Variants in CDH8 observed in about 807,000 individuals in gnomAD.
The protein encoded by CDH8 is cadherin-8.
Under a neutral mutation model 68.1 loss-of-function variants are expected in CDH8, and 17 were observed. The ratio of observed to expected loss-of-function variants is 0.25; its 90% CI spans 0.17 to 0.37. The LOEUF (loss-of-function observed/expected upper bound fraction) is 0.37, where lower values mean the gene tolerates loss of function less well. Ranked by LOEUF, CDH8 falls within the 10% of genes least tolerant of loss-of-function variation. The probability of loss-of-function intolerance (pLI) is 1.00; values close to 1 mark genes in which losing one functional copy is unlikely to be tolerated. For missense variants in CDH8, 763 were observed against 999.3 expected, an observed-to-expected ratio of 0.76 and a Z score of 3.19; for synonymous variants, 372 against 365.1, an observed-to-expected ratio of 1.02 and a Z score of -0.21.
intron 2 of CDH8, among the ~76,000 whole-genome samples, chr16:62,008,923 G>GA (rs1901736740): frequency 7.2e-6 from 1 of 139,428 alleles, no homozygotes; most frequent in South Asian, 2.5e-4. Flanking sequence ...TCCTTTAAGA[G>GA]AAAAAATAAT....
rs1963243765 is a variant in CDH8 at position 61,648,113 on chromosome 16, T to C, written c.*5495A>G. 2.6e-6 allele frequency: 1 copy of C among 386,592 alleles called. No individual in the cohort carries two copies. Among genetic ancestry groups the C allele is most frequent in the African/African-American group, 2.1e-5 (1 of 47,660 alleles). The allele number at this position is 386,592 out of a possible 1,614,324, so 23.9% of individuals were successfully genotyped here. On this transcript the variant is annotated 3_prime_UTR_variant, in exon 12 of 12. Coordinates refer to ENST00000577390, the MANE Select transcript of CDH8 (RefSeq NM_001796.5). ...ATACATACAAAAACACTTACAACAT[T>C]ACAACTCAGGAGATGACCCCAAATA...
chr16:61,827,401 GTC>G (rs2143002318), intron 4 of CDH8, among the ~76,000 whole-genome samples: 1 of 151,912 alleles, frequency 6.6e-6, no homozygotes, highest in African/African-American at 2.4e-5. Flanking sequence ...ATGAGGTGAG[GTC>G]TATGCATGAG....
At chr16:61,781,840 C>G (rs186202587) in intron 8 of CDH8, among the ~76,000 whole-genome samples, 5 of 152,268 alleles carry the variant, frequency 3.3e-5, no homozygotes, top group Admixed American at 3.3e-4. Flanking sequence ...ACACTTCTAA[C>G]AAACCAAAAT....
At chr16:61,938,610 T>TA (rs995866021) in intron 2 of CDH8, among the ~76,000 whole-genome samples, 1 of 152,046 alleles carries the variant, frequency 6.6e-6, no homozygotes, top group Admixed American at 6.6e-5. Context: ...AAGCTAGAAA[T>TA]AAAAAAATAA....
chr16:61,883,393 C>T (rs1963613878), intron 3 of CDH8, among the ~76,000 whole-genome samples: 1 of 151,886 alleles, frequency 6.6e-6, no homozygotes, highest in Admixed American at 6.6e-5. Flanking sequence ...CTGATACATG[C>T]TAATACCCCT....
chr16:62,016,689 T>C (rs1037619130), intron 2 of CDH8, among the ~76,000 whole-genome samples: 4 of 152,226 alleles, frequency 2.6e-5, no homozygotes, highest in Non-Finnish European at 4.4e-5. Context: ...GAACAGGCTC[T>C]GCCTTGCCTT....
chr16:61,982,496 G>T (rs981441382), intron 2 of CDH8, among the ~76,000 whole-genome samples: 12 of 152,150 alleles, frequency 7.9e-5, no homozygotes, highest in African/African-American at 2.7e-4. Context: ...TGGGATTACA[G>T]GCGTGAACCA....
chr16:61,759,421 T>C (rs1960406606), intron 8 of CDH8, among the ~76,000 whole-genome samples: 1 of 150,990 alleles, frequency 6.6e-6, no homozygotes, highest in African/African-American at 2.4e-5. Flanking sequence ...AAAGTAATAG[T>C]AGTAGTATAG....
chr16:61,678,446 C>T (rs535803605), intron 10 of CDH8, among the ~76,000 whole-genome samples: 11 of 152,202 alleles, frequency 7.2e-5, no homozygotes, highest in African/African-American at 2.6e-4. Context: ...GAATAGAGAC[C>T]AGGTTAGCCA....
intron 2 of CDH8, among the ~76,000 whole-genome samples, chr16:61,909,640 T>C (rs962442111): frequency 6.6e-6 from 1 of 152,166 alleles, no homozygotes; most frequent in Non-Finnish European, 1.5e-5. Flanking sequence ...CCTGATTCTC[T>C]AGAGGAGGAG....
At chr16:61,685,272 T>C (rs1396097706) in intron 10 of CDH8, among the ~76,000 whole-genome samples, 2 of 151,568 alleles carry the variant, frequency 1.3e-5, no homozygotes, top group Non-Finnish European at 2.9e-5. Context: ...TGTGATATCA[T>C]TGAAGGTAAA....
chr16:61,840,179 A>C (rs780256981), intron 4 of CDH8, among the ~76,000 whole-genome samples: 7 of 152,128 alleles, frequency 4.6e-5, no homozygotes, highest in Non-Finnish European at 1.0e-4. Flanking sequence ...TAAGCTTAGA[A>C]TCCCAACAGC....
At chr16:61,762,907 T>C (rs1035134021) in intron 8 of CDH8, among the ~76,000 whole-genome samples, 1 of 152,136 alleles carries the variant, frequency 6.6e-6, no homozygotes, top group Non-Finnish European at 1.5e-5. Context: ...AGGTAATTCA[T>C]AGGCATATAA....
intron 2 of CDH8, among the ~76,000 whole-genome samples, chr16:62,009,093 G>A (rs1901743790): frequency 6.6e-6 from 1 of 151,348 alleles, no homozygotes; most frequent in Admixed American, 6.6e-5. Context: ...TCTAAATAAA[G>A]CTTTTGAGTG....
chr16:61,854,225 G>A (rs1752339634), intron 4 of CDH8, among the ~76,000 whole-genome samples: 1 of 151,832 alleles, frequency 6.6e-6, no homozygotes, highest in African/African-American at 2.4e-5. Context: ...GGATTTCCAT[G>A]CAGTTAGCTG....
At chr16:62,018,409 T>G (rs1233725604) in intron 2 of CDH8, among the ~76,000 whole-genome samples, 1 of 152,174 alleles carries the variant, frequency 6.6e-6, no homozygotes, top group Non-Finnish European at 1.5e-5. Flanking sequence ...TAAGTAATGC[T>G]TCTCAGCCGG....
chr16:61,703,612 G>A (rs909613277), intron 10 of CDH8, among the ~76,000 whole-genome samples: 4 of 152,088 alleles, frequency 2.6e-5, no homozygotes, highest in Admixed American at 6.6e-5. Flanking sequence ...AGGCCGAGGC[G>A]CATGGATCAC....
At chr16:62,027,066 A>G (rs11641766) in intron 1 of CDH8, among the ~76,000 whole-genome samples, 78,189 of 152,138 alleles carry the variant, frequency 0.51, 21,469 homozygotes, top group African/African-American at 0.72. Flanking sequence ...TGTGTCTGAC[A>G]AAGCAATCTA....
At chr16:61,869,075 T>C (rs1459534539) in intron 3 of CDH8, among the ~76,000 whole-genome samples, 1 of 152,216 alleles carries the variant, frequency 6.6e-6, no homozygotes, top group Non-Finnish European at 1.5e-5. Flanking sequence ...GAAAATTGAA[T>C]AGATGCTGTA....
Sources: allele counts gnomAD v4.1 joint callset (sites outside exome capture counted in the v4.1 genomes callset), GRCh38; gene constraint gnomAD v4.1.1; transcripts MANE v1.5; gene names NCBI Gene and HGNC (gene_info 2026-07-23, HGNC 2026-07-21).